Variants in SFXN5 observed in about 807,000 individuals in gnomAD.
The protein encoded by SFXN5 is sideroflexin-5.
SFXN5 carries 43 observed loss-of-function variants against 50.2 expected under a neutral mutation model. That is an observed-to-expected ratio of 0.86 (90% CI 0.67 to 1.11). The LOEUF is 1.11. SFXN5 is among the 50% of genes least tolerant of loss of function. SFXN5 has a pLI of 0.00. For synonymous variants in SFXN5, 203 were observed against 185.8 expected, an observed-to-expected ratio of 1.09 and a Z score of -0.75; for missense variants, 463 against 454.1, an observed-to-expected ratio of 1.02 and a Z score of -0.18.
At chr2:73,067,540 T>C (rs1054966627) in intron 1 of SFXN5, among the ~76,000 whole-genome samples, 1 of 152,230 alleles carries the variant, frequency 6.6e-6, no homozygotes, top group African/African-American at 2.4e-5. Context: ...TTGTTGTCTT[T>C]TGACTTCTCT....
chr2:73,011,984 A>T (rs1202907535), intron 6 of SFXN5, among the ~76,000 whole-genome samples: 2 of 152,224 alleles, frequency 1.3e-5, no homozygotes, highest in African/African-American at 4.8e-5. Context: ...ACCTCAACCC[A>T]TCACACTGGA....
intron 3 of SFXN5, among the ~76,000 whole-genome samples, chr2:73,032,533 G>A (rs1350030027): frequency 6.6e-6 from 1 of 152,214 alleles, no homozygotes; most frequent in African/African-American, 2.4e-5. Flanking sequence ...AGTGCCATCT[G>A]AACCTACCTG....
chr2:73,000,349 G>T (rs1673745036), intron 8 of SFXN5, 82 bp downstream of exon 8: 2 of 1,328,998 alleles, frequency 1.5e-6, no homozygotes, highest in South Asian at 1.3e-5. Context: ...AGCCACTGAT[G>T]GTGGCATGTC....
intron 2 of SFXN5, among the ~76,000 whole-genome samples, chr2:73,048,557 A>C (rs558061276): frequency 7.4e-4 from 113 of 152,310 alleles, no homozygotes; most frequent in Non-Finnish European, 1.5e-3. Flanking sequence ...CAAAATGTTA[A>C]TGGTGATTAT....
At position 73,039,967 on chromosome 2, in the gene SFXN5, T is replaced by C. The variant is rs537117755; in HGVS notation, c.249+887A>G. ...CTGGGATTACAGGCGTCCACCACCA[T>C]GCCCGGCTGATTTTTTGTCTTTCAG... On this transcript the variant is annotated intron_variant, in intron 3 of 13. Coordinates refer to ENST00000272433, the MANE Select transcript of SFXN5 (RefSeq NM_144579.3). Among the ~76,000 whole-genome samples, 8 of 152,146 alleles carry C rather than the reference T, an allele frequency of 5.3e-5. No individual in the cohort carries two copies. In the East Asian group the frequency reaches 5.8e-4, roughly 11 times the overall value.
At chr2:72,985,966 A>C (rs1034661092) in intron 10 of SFXN5, among the ~76,000 whole-genome samples, 1 of 152,216 alleles carries the variant, frequency 6.6e-6, no homozygotes, top group Non-Finnish European at 1.5e-5. Context: ...GTTCTTATCT[A>C]AAGCTTGGCT....
intron 9 of SFXN5, among the ~76,000 whole-genome samples, chr2:72,993,918 A>G (rs1331888202): frequency 6.6e-6 from 1 of 152,190 alleles, no homozygotes; most frequent in Admixed American, 6.5e-5. Context: ...GGAACTAAGT[A>G]TGAAGGTGAG....
chr2:73,046,327 T>C (rs1390393875), intron 2 of SFXN5, among the ~76,000 whole-genome samples: 1 of 150,284 alleles, frequency 6.7e-6, no homozygotes, highest in Non-Finnish European at 1.5e-5. Flanking sequence ...GAGAGTCGCT[T>C]GAACCCGGAA....
rs1308637849 is a variant in SFXN5, at chr2:73,022,508, C to T, written c.331+14G>A. 3 of 1,610,184 alleles carry T rather than the reference C, an allele frequency of 1.9e-6. No individual in the cohort carries two copies. The highest frequency in any genetic ancestry group is 2.2e-5 in the East Asian group (1 of 44,834). ...CCCAGGCTGACCAGAACCAGAAGGG[C>T]CCCAGGAGCTTACCTGACATTCTAA... On this transcript the variant is annotated intron_variant, in intron 5 of 13. Coordinates refer to ENST00000272433, the MANE Select transcript of SFXN5 (RefSeq NM_144579.3).
At chr2:73,039,712 C>G (rs1273989777) in intron 3 of SFXN5, among the ~76,000 whole-genome samples, 1 of 152,098 alleles carries the variant, frequency 6.6e-6, no homozygotes, top group Non-Finnish European at 1.5e-5. Flanking sequence ...AGTAGTTGCT[C>G]CTGCGGAACA....
chr2:73,016,182 A>C (rs577701849), intron 6 of SFXN5, among the ~76,000 whole-genome samples: 1 of 152,298 alleles, frequency 6.6e-6, no homozygotes, highest in South Asian at 2.1e-4. Context: ...ATGTCTATTT[A>C]ATTAGTCCTT....
chr2:72,981,461 C>T (rs1375844772), intron 10 of SFXN5, among the ~76,000 whole-genome samples: 1 of 152,138 alleles, frequency 6.6e-6, no homozygotes, highest in African/African-American at 2.4e-5. Context: ...GAGATCTCAT[C>T]GGCCCACCTC....
At chr2:73,026,239 T>C (rs1279333431) in intron 3 of SFXN5, among the ~76,000 whole-genome samples, 1 of 151,062 alleles carries the variant, frequency 6.6e-6, no homozygotes, top group Non-Finnish European at 1.5e-5. Context: ...GTGATTCTTG[T>C]GCCTCAGCCT....
chr2:73,002,982 A>G (rs1674112104), intron 6 of SFXN5, among the ~76,000 whole-genome samples: 1 of 152,236 alleles, frequency 6.6e-6, no homozygotes, highest in South Asian at 2.1e-4. Context: ...TTCTACTTCC[A>G]AATTCTGGGT....
chr2:72,988,410 G>T, intron 9 of SFXN5, 62 bp from the exon 10 acceptor site: 1 of 1,427,754 alleles, frequency 7.0e-7, no homozygotes, highest in Non-Finnish European at 9.7e-7. Flanking sequence ...CTTGTGGGAG[G>T]AGGGGGCAGA....
In SFXN5 at chr2:72,960,731, C is replaced by T. The variant is rs762041753; in HGVS notation, c.945+400G>A. Among the ~76,000 whole-genome samples the T allele has an allele frequency of 5.9e-5, 9 of 152,168 alleles. No individual in the cohort carries two copies. Among genetic ancestry groups the T allele is most frequent in the Non-Finnish European group, 1.0e-4 (7 of 68,026 alleles). Reference sequence around the variant, plus strand: ...GACTTTGGTCAGCTCTTGGACATGGCGTGTGCTGCCTCACCTCTCAGAACC... The same window carrying T: ...GACTTTGGTCAGCTCTTGGACATGGTGTGTGCTGCCTCACCTCTCAGAACC... On this transcript the variant is annotated intron_variant, in intron 13 of 13. Coordinates refer to ENST00000272433, the MANE Select transcript of SFXN5 (RefSeq NM_144579.3). The surrounding 1 kb of genome is among the most constrained non-coding windows in gnomAD (Gnocchi z 6.1).
chr2:73,033,515 T>C (rs1574177909), intron 3 of SFXN5, among the ~76,000 whole-genome samples: 2 of 152,112 alleles, frequency 1.3e-5, no homozygotes, highest in Non-Finnish European at 2.9e-5. Context: ...TGAGGTGATA[T>C]TGGAGGAAAC....
At chr2:73,012,865 G>A (rs958444897) in intron 6 of SFXN5, among the ~76,000 whole-genome samples, 1 of 152,002 alleles carries the variant, frequency 6.6e-6, no homozygotes, top group Non-Finnish European at 1.5e-5. Context: ...CCTCCTATGT[G>A]GGTAGCGTTA....
At position 73,039,148 on chromosome 2, in the gene SFXN5, G is replaced by A. The variant is rs1240193981; in HGVS notation, c.249+1706C>T. 2.6e-5 allele frequency among the ~76,000 whole-genome samples: 4 copies of A among 152,104 alleles called. No individual in the cohort carries two copies. The South Asian group carries it at 6.2e-4, about 24-fold the overall frequency. On this transcript the variant is annotated intron_variant, in intron 3 of 13. Transcript: ENST00000272433. Reference sequence around the variant, plus strand: ...TCTTCAGGTTGGCCAGGATGGTCTCGAACTCCTGACCTCAAGTGATCCGCC... The same window carrying A: ...TCTTCAGGTTGGCCAGGATGGTCTCAAACTCCTGACCTCAAGTGATCCGCC...
Sources: allele counts gnomAD v4.1 joint callset (sites outside exome capture counted in the v4.1 genomes callset), GRCh38; gene constraint gnomAD v4.1.1; non-coding constraint Gnocchi (gnomAD v3.1); transcripts MANE v1.5; gene names NCBI Gene and HGNC (gene_info 2026-07-23, HGNC 2026-07-21).